DLG2: variants seen among roughly 807,000 people sequenced by gnomAD.
DLG2 encodes discs large MAGUK scaffold protein 2, also known as disks large homolog 2.
DLG2 carries 45 observed loss-of-function variants against 132.5 expected under a neutral mutation model. The observed-to-expected ratio is 0.34, with a 90% CI of 0.27 to 0.44. The LOEUF is 0.44. DLG2 is among the 20% of genes least tolerant of loss of function. The probability of loss-of-function intolerance (pLI) is 1.00; values close to 1 mark genes in which losing one functional copy is unlikely to be tolerated. For missense variants in DLG2, 1,045 were observed against 1,196.9 expected, an observed-to-expected ratio of 0.87 and a Z score of 1.87; for synonymous variants, 424 against 419.6, an observed-to-expected ratio of 1.01 and a Z score of -0.13.
At chr11:84,847,524 A>G (rs780118786) in intron 6 of DLG2, among the ~76,000 whole-genome samples, 1 of 152,144 alleles carries the variant, frequency 6.6e-6, no homozygotes, top group African/African-American at 2.4e-5. Flanking sequence ...TTCAAGCACA[A>G]TCTAGAAAAA....
At chr11:83,933,432 G>A (rs1340737864) in intron 14 of DLG2, among the ~76,000 whole-genome samples, 1 of 152,182 alleles carries the variant, frequency 6.6e-6, no homozygotes, top group Non-Finnish European at 1.5e-5. Context: ...CATTTATAAA[G>A]AGCCATAGAT....
rs569113405 is a variant in DLG2 at position 83,965,375 on chromosome 11, G to C, written c.1150C>G (p.Pro384Ala). ...SEVVYLKVGK[P>A]TTIYMTDPYG... Reference sequence around the variant, plus strand: ...GGATCAGTCATATAAATGGTAGTGGGTTTGCCAACTTTTAAATAAACTACC... The same window carrying C: ...GGATCAGTCATATAAATGGTAGTGGCTTTGCCAACTTTTAAATAAACTACC... Residue 384 changes from proline (P) to alanine (A), a missense_variant, in exon 13 of 28, where the codon CCC becomes GCC. Around this residue, in one of 4 missense-constraint regions of DLG2, gnomAD observed 261 missense variants for 256.1 expected, o/e 1.02. Coordinates refer to ENST00000376104, the MANE Select transcript of DLG2 (RefSeq NM_001142699.3). 6 of 1,612,388 alleles carry C rather than the reference G, an allele frequency of 3.7e-6. No individual in the cohort carries two copies. In the East Asian group the frequency reaches 1.1e-4, roughly 30 times the overall value.
At chr11:85,332,272 A>T (rs1274850092) in intron 3 of DLG2, among the ~76,000 whole-genome samples, 1 of 152,220 alleles carries the variant, frequency 6.6e-6, no homozygotes, top group East Asian at 1.9e-4. Context: ...TTCCTTTAAG[A>T]AGTATCTGTT....
intron 3 of DLG2, among the ~76,000 whole-genome samples, chr11:85,595,774 T>C (rs2079710738): frequency 6.6e-6 from 1 of 152,206 alleles, no homozygotes; most frequent in African/African-American, 2.4e-5. Flanking sequence ...TTTATATGAT[T>C]TTACTTTATT....
At chr11:83,740,676 T>C (rs1366129757) in intron 18 of DLG2, among the ~76,000 whole-genome samples, 1 of 152,174 alleles carries the variant, frequency 6.6e-6, no homozygotes, top group African/African-American at 2.4e-5. Flanking sequence ...AAAATAAATA[T>C]ACTTTCTCTG....
At chr11:83,689,976 T>C (rs971071143) in intron 18 of DLG2, among the ~76,000 whole-genome samples, 2 of 140,556 alleles carry the variant, frequency 1.4e-5, no homozygotes, top group East Asian at 3.9e-4. Flanking sequence ...ATATTTATAT[T>C]ATAATATATT....
chr11:84,878,939 A>C (rs181426634), intron 6 of DLG2, among the ~76,000 whole-genome samples: 3 of 152,304 alleles, frequency 2.0e-5, no homozygotes, highest in Admixed American at 2.0e-4. Flanking sequence ...GTTTGTCTAG[A>C]GACTGGAAGC....
intron 3 of DLG2, among the ~76,000 whole-genome samples, chr11:85,435,371 T>C (rs1334732612): frequency 6.6e-6 from 1 of 152,166 alleles, no homozygotes; most frequent in Non-Finnish European, 1.5e-5. Context: ...GAAGTCAAAT[T>C]GTCGCTGTTT....
chr11:85,144,965 GATT>G (rs1566931213), intron 5 of DLG2, among the ~76,000 whole-genome samples: 1 of 152,006 alleles, frequency 6.6e-6, no homozygotes, highest in African/African-American at 2.4e-5. Flanking sequence ...TTTTCTTTTA[GATT>G]AAAGAACTCT....
chr11:83,889,788 C>G (rs2069145464), intron 15 of DLG2, among the ~76,000 whole-genome samples: 1 of 151,934 alleles, frequency 6.6e-6, no homozygotes, highest in East Asian at 1.9e-4. Context: ...CATAAAAAAA[C>G]AGTGAGTTCA....
At chr11:83,533,655 C>T (rs2095813328) in intron 20 of DLG2, among the ~76,000 whole-genome samples, 1 of 152,190 alleles carries the variant, frequency 6.6e-6, no homozygotes, top group Non-Finnish European at 1.5e-5. Context: ...AGGAACAACA[C>T]ATTCCTCAAC....
At chr11:85,507,761 T>C (rs1001464107) in intron 3 of DLG2, among the ~76,000 whole-genome samples, 5 of 152,174 alleles carry the variant, frequency 3.3e-5, no homozygotes, top group Admixed American at 2.6e-4. Flanking sequence ...ACTTCCTTGC[T>C]AGGTCTGGGA....
At chr11:83,848,687 C>G (rs1464641726) in intron 16 of DLG2, among the ~76,000 whole-genome samples, 1 of 152,200 alleles carries the variant, frequency 6.6e-6, no homozygotes, top group Non-Finnish European at 1.5e-5. Context: ...TAGGATTCTC[C>G]TAACAATATG....
Position 84,602,083 on chromosome 11 carries a change from T to C in DLG2, c.358-67352A>G, listed in dbSNP as rs77055178. On this transcript the variant is annotated intron_variant, in intron 6 of 27. Coordinates refer to ENST00000376104, the MANE Select transcript of DLG2 (RefSeq NM_001142699.3). ...CAGACATTCATTCAATGAAGAAATA[T>C]TGACTGCTTATTAGATGTCAGGCTC... Among the ~76,000 whole-genome samples the C allele has an allele frequency of 1.1e-3, 166 of 152,146 alleles. 3 individuals are homozygous for C. In the East Asian group the frequency reaches 0.028, roughly 25 times the overall value.
chr11:85,076,343 T>C (rs2066547869), intron 6 of DLG2, among the ~76,000 whole-genome samples: 2 of 152,016 alleles, frequency 1.3e-5, no homozygotes, highest in Non-Finnish European at 2.9e-5. Flanking sequence ...GAATTACTGA[T>C]ACCTAAAAAA....
At chr11:85,242,929 A>T (rs2075959848) in intron 4 of DLG2, among the ~76,000 whole-genome samples, 1 of 151,806 alleles carries the variant, frequency 6.6e-6, no homozygotes, top group South Asian at 2.1e-4. Flanking sequence ...TCCCAAGACT[A>T]CTCAAGCCCC....
Position 84,502,259 on chromosome 11 carries a change from C to CTTTCTTTCT in DLG2, c.519+32310_519+32311insAGAAAGAAA, listed in dbSNP as rs2099214681. Among the ~76,000 whole-genome samples the CTTTCTTTCT allele has an allele frequency of 6.0e-5, 2 of 33,592 alleles. 1 individual carries two copies. Among genetic ancestry groups the CTTTCTTTCT allele is most frequent in the African/African-American group, 7.9e-4 (2 of 2,546 alleles). The allele number at this position is 33,592 out of a possible 152,430, so 22.0% of individuals were successfully genotyped here. A position where few individuals can be genotyped will look rare whatever the true frequency, so the allele number is the denominator to read the frequency against. ...CCTTCCTTCCTTCCTTCCTTCCTTC[C>CTTTCTTTCT]TTCCTTCCTTCCTTCCTTCCTTCTT... On this transcript the variant is annotated intron_variant, in intron 7 of 27. Coordinates refer to ENST00000376104, the MANE Select transcript of DLG2 (RefSeq NM_001142699.3).
At chr11:84,040,353 G>T in intron 11 of DLG2, among the ~76,000 whole-genome samples, 1 of 152,028 alleles carries the variant, frequency 6.6e-6, no homozygotes, top group Non-Finnish European at 1.5e-5. Flanking sequence ...TATGGTTTTA[G>T]GTCTAACGTT....
At chr11:85,206,033 G>A (rs2081866627) in intron 4 of DLG2, among the ~76,000 whole-genome samples, 2 of 152,122 alleles carry the variant, frequency 1.3e-5, no homozygotes, top group South Asian at 4.1e-4. Flanking sequence ...CGGGTGGGAG[G>A]TGATTTGATC....
Sources: allele counts gnomAD v4.1 joint callset (sites outside exome capture counted in the v4.1 genomes callset), GRCh38; gene constraint gnomAD v4.1.1; regional missense constraint gnomAD v4.1.1; transcripts MANE v1.5; gene names NCBI Gene and HGNC (gene_info 2026-07-23, HGNC 2026-07-21).